The following BGLAP variants were observed in gnomAD, a reference collection of about 807,000 sequenced individuals.
BGLAP encodes the protein osteocalcin.
In BGLAP, 15 loss-of-function variants were observed where a neutral mutation model predicts 13.7. That is an observed-to-expected ratio of 1.09 (90% CI 0.73 to 1.68). BGLAP has a LOEUF of 1.68. Among genes scored for constraint, BGLAP ranks in the 40% most tolerant of loss-of-function variants. The probability of loss-of-function intolerance (pLI) is 0.00; values close to 1 mark genes in which losing one functional copy is unlikely to be tolerated. For synonymous variants in BGLAP, 67 were observed against 56.2 expected, an observed-to-expected ratio of 1.19 and a Z score of -0.86; for missense variants, 120 against 134.3, an observed-to-expected ratio of 0.89 and a Z score of 0.53.
intron 1 of BGLAP, 40 bp from the exon 2 acceptor site, chr1:156,242,513 G>A (rs1271214923): frequency 1.9e-6 from 3 of 1,551,620 alleles, no homozygotes; most frequent in East Asian, 2.4e-5. Context: ...GAGGGCCCTG[G>A]GGATGAGCTG....
intron 1 of BGLAP, 108 bp from the exon 2 acceptor site, chr1:156,242,445 C>T: frequency 1.3e-6 from 2 of 1,547,480 alleles, no homozygotes; most frequent in Non-Finnish European, 1.7e-6. Flanking sequence ...CCCAGCTCTG[C>T]CCTTGCAGAG....
rs774492980 is a variant in BGLAP at position 156,243,192 on chromosome 1, C to G, written c.*30C>G. On this transcript the variant is annotated 3_prime_UTR_variant, in exon 4 of 4. Coordinates refer to ENST00000368272, the MANE Select transcript of BGLAP (RefSeq NM_199173.6). The stretch of plus-strand genomic sequence containing the variant: ...TCGCTCTGCTGGCCTGGCCGGCAAC[C>G]CCAGTTCTGCTCCTCTCCAGGCACC... 1 of 1,611,404 alleles carries G rather than the reference C, an allele frequency of 6.2e-7. No individual in the cohort carries two copies. Among genetic ancestry groups the G allele is most frequent in the East Asian group, 2.2e-5 (1 of 44,844 alleles).
chr1:156,243,005 GC>G, intron 3 of BGLAP, 27 bp from the exon 4 acceptor site: 10 of 1,613,690 alleles, frequency 6.2e-6, no homozygotes, highest in Non-Finnish European at 8.5e-6. Context: ...TTGCACGGGG[GC>G]TGATGCCACC....
At chr1:156,242,953 C>T in intron 3 of BGLAP, 80 bp from the exon 4 acceptor site, 5 of 1,597,114 alleles carry the variant, frequency 3.1e-6, no homozygotes, top group Non-Finnish European at 4.3e-6. Flanking sequence ...CCCTGGTGGG[C>T]ACCCTGGAGC....
At position 156,243,308 on chromosome 1, in the gene BGLAP, A is replaced by G; in HGVS notation, c.*146A>G. 7.3e-7 allele frequency: 1 copy of G among 1,364,670 alleles called. No homozygotes were observed. The highest frequency in any genetic ancestry group is 9.9e-7 in the Non-Finnish European group (1 of 1,008,966). The allele number at this position is 1,364,670 out of a possible 1,614,324, so 84.5% of individuals were successfully genotyped here. ...TCCCAGCTGCTCCCAAATAAACTCC[A>G]GAAGAGGAATCTGTGGGCCTGTGAG... On this transcript the variant is annotated 3_prime_UTR_variant, in exon 4 of 4. Coordinates refer to ENST00000368272, the MANE Select transcript of BGLAP (RefSeq NM_199173.6).
Position 156,243,105 on chromosome 1 carries a change from G to A in BGLAP, c.246G>A (p.Glu82=), listed in dbSNP as rs1337844551. ...EVCELNPDCD[E]LADHIGFQEA... ...GTGAGCTCAATCCGGACTGTGACGAGTTGGCTGACCACATCGGCTTTCAGG... is the reference window on the plus strand; with the variant it reads ...GTGAGCTCAATCCGGACTGTGACGAATTGGCTGACCACATCGGCTTTCAGG... The change falls in exon 4 of 4, where the codon GAG becomes GAA. Residue 82 remains glutamate (E), a synonymous_variant. Transcript: ENST00000368272. The A allele has an allele frequency of 6.2e-7, 1 of 1,614,146 alleles. No individual in the cohort carries two copies. The highest frequency in any genetic ancestry group is 1.1e-5 in the South Asian group (1 of 91,084).
rs1558203525 is a variant in BGLAP at position 156,243,048 on chromosome 1, C to T, written c.189C>T (p.Tyr63=). The T allele has an allele frequency of 6.2e-7, 1 of 1,614,160 alleles. No homozygotes were observed. Among genetic ancestry groups the T allele is most frequent in the Non-Finnish European group, 8.5e-7 (1 of 1,180,018 alleles). ...GGTGTCTCAGAGCCCCAGTCCCCTA[C>T]CCGGATCCCCTGGAGCCCAGGAGGG... is the stretch of plus-strand genomic sequence containing the variant. The part of the protein sequence containing the change: ...LYQWLGAPVP[Y]PDPLEPRREV... Residue 63 remains tyrosine, a synonymous_variant, in exon 4 of 4, where the codon TAC becomes TAT. Transcript: ENST00000368272.
Position 156,243,214 on chromosome 1 carries a change from C to A in BGLAP, c.*52C>A. The stretch of plus-strand genomic sequence containing the variant: ...AACCCCAGTTCTGCTCCTCTCCAGG[C>A]ACCCTTCTTTCCTCTTCCCCTTGCC... On this transcript the variant is annotated 3_prime_UTR_variant, in exon 4 of 4. Transcript: ENST00000368272. 6.2e-7 allele frequency: 1 copy of A among 1,606,602 alleles called. No individual in the cohort carries two copies. Among genetic ancestry groups the A allele is most frequent in the Non-Finnish European group, 8.5e-7 (1 of 1,178,608 alleles).
At position 156,242,796 on chromosome 1, in the gene BGLAP, GA is replaced by G; in HGVS notation, c.140del (p.Lys47ArgfsTer?). 3.7e-6 allele frequency: 6 copies of G among 1,602,190 alleles called. No individual in the cohort carries two copies. Among genetic ancestry groups the G allele is most frequent in the Non-Finnish European group, 5.1e-6 (6 of 1,173,196 alleles). ...CCAAGCAGGAGGGCAGCGAGGTAGTGAAGAGACCCAGGCGCTACCTGTATCA... is the reference window on the plus strand; with the variant it reads ...CCAAGCAGGAGGGCAGCGAGGTAGTGAGAGACCCAGGCGCTACCTGTATCA... ...VSKQEGSEVVKRPRRYLYQWL... is the reference protein window; with the variant it reads ...VSKQEGSEVVXRPRRYLYQWL... On this transcript the variant is annotated frameshift_variant, in exon 3 of 4. Transcript: ENST00000368272. LOFTEE classifies it high-confidence loss of function.
Position 156,242,778 on chromosome 1 carries a change from GGA to G in BGLAP, c.122_123del (p.Glu41GlyfsTer34), listed in dbSNP as rs1251781605. 1.3e-6 allele frequency: 2 copies of G among 1,599,276 alleles called. No homozygotes were observed. Among genetic ancestry groups the G allele is most frequent in the Non-Finnish European group, 1.7e-6 (2 of 1,171,572 alleles). On this transcript the variant is annotated frameshift_variant, in exon 3 of 4. Transcript: ENST00000368272. LOFTEE classifies it high-confidence loss of function. ...GCTCCACAGCCTTTGTGTCCAAGCA[GGA>G]GGGCAGCGAGGTAGTGAAGAGACCC... ...SKGAAFVSKQ[E>X]GSEVVKRPRR...
At chr1:156,242,464 G>A (rs1016175283) in intron 1 of BGLAP, 89 bp from the exon 2 acceptor site, 1 of 1,550,064 alleles carries the variant, frequency 6.5e-7, no homozygotes, top group Admixed American at 2.0e-5. Flanking sequence ...AGGGAGAGGA[G>A]GGAAGAGCAA....
rs200792947 is a variant in BGLAP, at chr1:156,242,787, C to T, written c.129C>T (p.Ser43=). ...GAAFVSKQEG[S]EVVKRPRRYL... ...CCTTTGTGTCCAAGCAGGAGGGCAG[C>T]GAGGTAGTGAAGAGACCCAGGCGCT... is the stretch of plus-strand genomic sequence containing the variant. The change falls in exon 3 of 4, where the codon AGC becomes AGT. Residue 43 remains serine, a synonymous_variant. Coordinates refer to ENST00000368272, the MANE Select transcript of BGLAP (RefSeq NM_199173.6). The T allele has an allele frequency of 1.1e-4, 181 of 1,600,454 alleles. 1 individual carries two copies. The East Asian group carries it at 3.1e-3, about 28-fold the overall frequency.
At chr1:156,242,643 C>A (rs1659509132) in intron 2 of BGLAP, 52 bp downstream of exon 2, 1 of 1,596,624 alleles carries the variant, frequency 6.3e-7, no homozygotes, top group South Asian at 1.1e-5. Flanking sequence ...CACCCTGGTC[C>A]CTCAGTCTCA....
At position 156,242,570 on chromosome 1, in the gene BGLAP, G is replaced by A; in HGVS notation, c.82G>A (p.Ala28Thr). Residue 28 changes from alanine to threonine, a missense_variant, in exon 2 of 4, where the codon GCA becomes ACA. By Grantham distance (58) the Ala-to-Thr change is moderately conservative. Coordinates refer to ENST00000368272, the MANE Select transcript of BGLAP (RefSeq NM_199173.6). The part of the protein sequence containing the change: ...AGQAGAKPSG[A>T]ESSKGAAFVS... ...CTTTGCAGGTGCGAAGCCCAGCGGT[G>A]CAGAGTCCAGCAAAGGTGCAGGTAT... 6.4e-7 allele frequency: 1 copy of A among 1,553,342 alleles called. No individual in the cohort carries two copies. Among genetic ancestry groups the A allele is most frequent in the Non-Finnish European group, 8.7e-7 (1 of 1,147,778 alleles).
rs1432681865 is a variant in BGLAP at position 156,242,300 on chromosome 1, G to A, written c.64+5G>A. On this transcript the variant is annotated splice_donor_5th_base_variant and intron_variant, in intron 1 of 3. Coordinates refer to ENST00000368272, the MANE Select transcript of BGLAP (RefSeq NM_199173.6). ...TTTGCATCGCTGGCCAGGCAGGTGA[G>A]TGCCCCCACCTCCCCTCAGGCCGCA... The A allele has an allele frequency of 6.2e-7, 1 of 1,612,474 alleles. No homozygotes were observed. The highest frequency in any genetic ancestry group is 1.1e-5 in the South Asian group (1 of 90,788).
chr1:156,242,449 T>A, intron 1 of BGLAP, 104 bp from the exon 2 acceptor site: 2 of 1,547,568 alleles, frequency 1.3e-6, no homozygotes. Context: ...GCTCTGCCCT[T>A]GCAGAGGGAG....
In BGLAP at chr1:156,243,273, G is replaced by T; in HGVS notation, c.*111G>T. 6.5e-7 allele frequency: 1 copy of T among 1,533,894 alleles called. No individual in the cohort carries two copies. Among genetic ancestry groups the T allele is most frequent in the Non-Finnish European group, 8.8e-7 (1 of 1,137,840 alleles). ...GACCTCCCAGCCCTATGGATGTGGGGTCCCCATCATCCCAGCTGCTCCCAA... is the reference window on the plus strand; with the variant it reads ...GACCTCCCAGCCCTATGGATGTGGGTTCCCCATCATCCCAGCTGCTCCCAA... On this transcript the variant is annotated 3_prime_UTR_variant, in exon 4 of 4. Transcript: ENST00000368272.
Position 156,243,087 on chromosome 1 carries a change from C to G in BGLAP, c.228C>G (p.Leu76=), listed in dbSNP as rs770468286. ...PLEPRREVCE[L]NPDCDELADH... ...AGCCCAGGAGGGAGGTGTGTGAGCTCAATCCGGACTGTGACGAGTTGGCTG... is the reference window on the plus strand; with the variant it reads ...AGCCCAGGAGGGAGGTGTGTGAGCTGAATCCGGACTGTGACGAGTTGGCTG... The change falls in exon 4 of 4, where the codon CTC becomes CTG. Residue 76 remains leucine (L), a synonymous_variant. Coordinates refer to ENST00000368272, the MANE Select transcript of BGLAP (RefSeq NM_199173.6). The G allele has an allele frequency of 7.4e-6, 12 of 1,614,106 alleles. No individual in the cohort carries two copies. The South Asian group carries it at 1.1e-4, about 15-fold the overall frequency.
In BGLAP at chr1:156,242,468, A is replaced by G. The variant is rs575462526; in HGVS notation, c.65-85A>G. The G allele has an allele frequency of 2.8e-5, 43 of 1,550,042 alleles. No individual in the cohort carries two copies. In the African/African-American group the frequency reaches 5.3e-4, roughly 19 times the overall value. ...TGCCCTTGCAGAGGGAGAGGAGGGA[A>G]GAGCAAGCTGCCCGAGACGCAGGGG... On this transcript the variant is annotated intron_variant, in intron 1 of 3. Transcript: ENST00000368272.
Sources: gnomAD v4.1 joint callset for allele counts on GRCh38, gnomAD v4.1.1 for gene constraint, MANE v1.5 for transcripts, NCBI Gene and HGNC (gene_info 2026-07-23, HGNC 2026-07-21) for gene names.